Variants in CADPS observed in about 807,000 individuals in gnomAD.
CADPS encodes the protein calcium-dependent secretion activator 1.
In CADPS, 57 loss-of-function variants were observed where a neutral mutation model predicts 167.3. The ratio of observed to expected loss-of-function variants is 0.34; its 90% CI spans 0.28 to 0.42. The LOEUF (loss-of-function observed/expected upper bound fraction) is 0.42, where lower values mean the gene tolerates loss of function less well. Among genes scored for constraint, CADPS ranks in the 20% least tolerant of loss-of-function variants. CADPS has a pLI of 1.00. For synonymous variants in CADPS, 676 were observed against 635.3 expected (o/e 1.06, Z -0.96); for missense variants, 1,414 against 1,738.1 (o/e 0.81, Z 3.32).
At chr3:62,487,521 C>T (rs138306480) in intron 21 of CADPS, among the ~76,000 whole-genome samples, 1,651 of 152,294 alleles carry the variant, frequency 0.011, 20 homozygotes, top group Middle Eastern at 0.068. Flanking sequence ...GAGAAGCTGA[C>T]TATCTTTAGC....
chr3:62,589,413 G>A (rs1044061366), intron 7 of CADPS, among the ~76,000 whole-genome samples: 15 of 152,248 alleles, frequency 9.9e-5, no homozygotes, highest in Non-Finnish European at 1.6e-4. Flanking sequence ...CTGAAGAAGA[G>A]AATGAACCAT....
At chr3:62,698,292 CA>C (rs1190215863) in intron 3 of CADPS, among the ~76,000 whole-genome samples, 1 of 152,078 alleles carries the variant, frequency 6.6e-6, no homozygotes, top group Non-Finnish European at 1.5e-5. Context: ...TATACTTGCC[CA>C]AAGTTACTAC....
chr3:62,863,229 T>C (rs2081122937), intron 1 of CADPS, among the ~76,000 whole-genome samples: 2 of 152,172 alleles, frequency 1.3e-5, no homozygotes, highest in Non-Finnish European at 2.9e-5. Context: ...CATGGTTAAG[T>C]GTGAAGGCTG....
intron 28 of CADPS, among the ~76,000 whole-genome samples, chr3:62,405,185 T>G (rs1169982808): frequency 1.4e-5 from 2 of 144,652 alleles, no homozygotes; most frequent in Non-Finnish European, 3.0e-5. Flanking sequence ...ATGATGAACC[T>G]CCCCTTACCC....
intron 1 of CADPS, among the ~76,000 whole-genome samples, chr3:62,847,221 T>C (rs492966): frequency 0.83 from 125,625 of 150,730 alleles, 52,564 homozygotes; most frequent in Middle Eastern, 0.9. Context: ...CAAAATGTTC[T>C]TACCCGCCAC....
chr3:62,828,776 T>C (rs1311257019), intron 1 of CADPS, among the ~76,000 whole-genome samples: 2 of 152,194 alleles, frequency 1.3e-5, no homozygotes, highest in Non-Finnish European at 2.9e-5. Context: ...TTATTTTAAA[T>C]TTCAATTTTG....
At chr3:62,454,661 A>C (rs2058473440) in intron 26 of CADPS, among the ~76,000 whole-genome samples, 1 of 152,148 alleles carries the variant, frequency 6.6e-6, no homozygotes, top group Admixed American at 6.6e-5. Flanking sequence ...TAAAACTGTA[A>C]CCATCAAGGA....
Position 62,617,751 on chromosome 3 carries a change from T to C in CADPS, c.1326-25003A>G, listed in dbSNP as rs2062551886. Among the ~76,000 whole-genome samples, 3 of 152,232 alleles carry C rather than the reference T, an allele frequency of 2.0e-5. No individual in the cohort carries two copies. In the South Asian group the frequency reaches 6.2e-4, roughly 32 times the overall value. On this transcript the variant is annotated intron_variant, in intron 6 of 29. Coordinates refer to ENST00000383710, the MANE Select transcript of CADPS (RefSeq NM_003716.4). ...TTTCACAGAGAAGTGCTGGTGGTTA[T>C]GGAGGGTGGCTTACTTAGGTTGCTG...
At chr3:62,498,018 G>A (rs1344288049) in intron 18 of CADPS, 1 of 426,932 alleles carries the variant, frequency 2.3e-6, no homozygotes, top group Non-Finnish European at 4.7e-6. Flanking sequence ...GGAAGTTGCT[G>A]TTACATTCCT....
At chr3:62,829,254 C>A (rs1417158307) in intron 1 of CADPS, among the ~76,000 whole-genome samples, 1 of 151,918 alleles carries the variant, frequency 6.6e-6, no homozygotes, top group Non-Finnish European at 1.5e-5. Flanking sequence ...TAAAACATAA[C>A]AATCAAAAAT....
chr3:62,660,315 G>A (rs1032152290), intron 4 of CADPS, among the ~76,000 whole-genome samples: 53 of 152,142 alleles, frequency 3.5e-4, no homozygotes, highest in African/African-American at 1.2e-3. Flanking sequence ...TGGACCAAAT[G>A]ACCTCCATTT....
At chr3:62,494,901 G>C (rs886492566) in intron 18 of CADPS, among the ~76,000 whole-genome samples, 1 of 151,798 alleles carries the variant, frequency 6.6e-6, no homozygotes, top group Non-Finnish European at 1.5e-5. Flanking sequence ...GGCCTCAGCT[G>C]GTCCACCTGC....
At chr3:62,558,816 A>G (rs1018922952) in intron 9 of CADPS, among the ~76,000 whole-genome samples, 28 of 152,210 alleles carry the variant, frequency 1.8e-4, no homozygotes, top group African/African-American at 6.3e-4. Flanking sequence ...GGGTTTGCAG[A>G]ACTTCTTCCT....
chr3:62,859,213 AATTT>A (rs2080289688), intron 1 of CADPS, among the ~76,000 whole-genome samples: 1 of 152,158 alleles, frequency 6.6e-6, no homozygotes, highest in Non-Finnish European at 1.5e-5. Context: ...CTTACACTAT[AATTT>A]ATTTATTGCC....
At chr3:62,515,119 G>C (rs950815092) in intron 16 of CADPS, among the ~76,000 whole-genome samples, 1 of 152,080 alleles carries the variant, frequency 6.6e-6, no homozygotes, top group Non-Finnish European at 1.5e-5. Context: ...AAGTGATGGG[G>C]TCTGAGTGAT....
At chr3:62,453,013 T>A (rs1199562545) in intron 26 of CADPS, among the ~76,000 whole-genome samples, 1 of 151,858 alleles carries the variant, frequency 6.6e-6, no homozygotes, top group East Asian at 1.9e-4. Context: ...TGCACCTATA[T>A]TCCCAGCTAC....
At chr3:62,510,415 T>C (rs1023579956) in intron 17 of CADPS, among the ~76,000 whole-genome samples, 3 of 152,116 alleles carry the variant, frequency 2.0e-5, no homozygotes, top group Admixed American at 6.6e-5. Context: ...AAAACAGCAA[T>C]AGTAGTGTAG....
At chr3:62,830,980 C>T (rs1243566901) in intron 1 of CADPS, among the ~76,000 whole-genome samples, 1 of 152,090 alleles carries the variant, frequency 6.6e-6, no homozygotes, top group Admixed American at 6.6e-5. Flanking sequence ...TCACAAATGT[C>T]AAAATTATTC....
chr3:62,548,716 A>T (rs2076881264), intron 11 of CADPS, among the ~76,000 whole-genome samples: 1 of 152,228 alleles, frequency 6.6e-6, no homozygotes. Flanking sequence ...ACTGTGTTAG[A>T]GGTTAAGTCT....
Sources: allele counts gnomAD v4.1 joint callset (sites outside exome capture counted in the v4.1 genomes callset), GRCh38; gene constraint gnomAD v4.1.1; transcripts MANE v1.5; gene names NCBI Gene and HGNC (gene_info 2026-07-23, HGNC 2026-07-21).